Variants in TESK2 observed in about 807,000 individuals in gnomAD.
TESK2 encodes testis associated actin remodelling kinase 2.
Under a neutral mutation model 57.1 loss-of-function variants are expected in TESK2, and 39 were observed. The observed-to-expected ratio is 0.68, with a 90% confidence interval of 0.53 to 0.89. TESK2 has a LOEUF of 0.89. TESK2 is among the 40% of genes least tolerant of loss of function. The probability of loss-of-function intolerance (pLI) is 0.00; values close to 1 mark genes in which losing one functional copy is unlikely to be tolerated. For missense variants in TESK2, 646 were observed against 732.1 expected (o/e 0.88, Z 1.36); for synonymous variants, 249 against 267.9 (o/e 0.93, Z 0.69).
intron 3 of TESK2, among the ~76,000 whole-genome samples, chr1:45,390,861 G>C (rs1162062494): frequency 6.6e-6 from 1 of 150,990 alleles, no homozygotes; most frequent in Non-Finnish European, 1.5e-5. Flanking sequence ...TCCCACCTCA[G>C]CTTCCTAAAG....
At chr1:45,474,406 TG>T (rs1652899966) in intron 1 of TESK2, among the ~76,000 whole-genome samples, 1 of 152,046 alleles carries the variant, frequency 6.6e-6, no homozygotes, top group African/African-American at 2.4e-5. Context: ...ACAGGAGGAC[TG>T]CTTGAGGCCA....
intron 5 of TESK2, 116 bp downstream of exon 5, chr1:45,355,184 TAAC>T: frequency 1.6e-6 from 2 of 1,227,572 alleles, no homozygotes; most frequent in South Asian, 1.4e-5. Context: ...TTCTAAGGAC[TAAC>T]TATAAAATAT....
At chr1:45,485,523 A>AT (rs71052884) in intron 1 of TESK2, among the ~76,000 whole-genome samples, 60,541 of 136,228 alleles carry the variant, frequency 0.44, 13,354 homozygotes, top group East Asian at 0.59. Context: ...TTTTTATTTT[A>AT]TTTTTTTTTT....
At chr1:45,407,422 A>G (rs1649890243) in intron 3 of TESK2, among the ~76,000 whole-genome samples, 4 of 151,958 alleles carry the variant, frequency 2.6e-5, no homozygotes, top group Admixed American at 1.3e-4. Context: ...TTATGATTTC[A>G]CTTTATTTCT....
chr1:45,348,104 T>G, intron 5 of TESK2, 104 bp from the exon 6 acceptor site: 1 of 802,988 alleles, frequency 1.2e-6, no homozygotes, highest in East Asian at 2.5e-5. Context: ...CACCTTGTCC[T>G]CTGCTCCTTG....
In TESK2 at chr1:45,475,379, GTAT is replaced by G. The variant is rs1248954841; in HGVS notation, c.-87+15470_-87+15472del. On this transcript the variant is annotated intron_variant, in intron 1 of 10. Transcript: ENST00000372086. ...GTGCCACCACGCCTGGCTAATTTTTGTATTTTTAGTGGAGACGGGTTTTCATCA... is the reference window on the plus strand; with the variant it reads ...GTGCCACCACGCCTGGCTAATTTTTGTTTTAGTGGAGACGGGTTTTCATCA... Among the ~76,000 whole-genome samples, 8 of 152,024 alleles carry G rather than the reference GTAT, an allele frequency of 5.3e-5. No homozygotes were observed. In the East Asian group the frequency reaches 1.4e-3, roughly 26 times the overall value.
At chr1:45,391,459 C>G (rs1207497062) in intron 3 of TESK2, among the ~76,000 whole-genome samples, 2 of 152,078 alleles carry the variant, frequency 1.3e-5, no homozygotes, top group Non-Finnish European at 2.9e-5. Context: ...GTCAAGCAAT[C>G]CTCCTGCATT....
intron 4 of TESK2, among the ~76,000 whole-genome samples, chr1:45,363,574 C>T (rs1207285414): frequency 6.6e-6 from 1 of 152,196 alleles, no homozygotes; most frequent in African/African-American, 2.4e-5. Context: ...ATATCCTTCC[C>T]CTTTCCCCAC....
intron 9 of TESK2, 142 bp downstream of exon 9, chr1:45,346,551 G>T: frequency 1.5e-6 from 1 of 672,390 alleles, no homozygotes; most frequent in Non-Finnish European, 2.6e-6. Context: ...GCCAGAGGGA[G>T]GAGGAGGAGG....
chr1:45,392,721 A>T (rs1050068236), intron 3 of TESK2, among the ~76,000 whole-genome samples: 32 of 151,144 alleles, frequency 2.1e-4, no homozygotes, highest in Admixed American at 3.3e-4. Flanking sequence ...AAAAAAATTT[A>T]TTTTTTAGAG....
intron 1 of TESK2, among the ~76,000 whole-genome samples, chr1:45,467,968 A>T (rs1652622385): frequency 6.6e-6 from 1 of 152,010 alleles, no homozygotes; most frequent in Non-Finnish European, 1.5e-5. Context: ...TGAGCCCAGG[A>T]GTTCAAGATC....
At chr1:45,405,933 C>T (rs1649828706) in intron 3 of TESK2, among the ~76,000 whole-genome samples, 1 of 151,722 alleles carries the variant, frequency 6.6e-6, no homozygotes, top group Admixed American at 6.6e-5. Flanking sequence ...AGAAGATATT[C>T]AGAACCCAGC....
At chr1:45,348,111 C>T (rs138384654) in intron 5 of TESK2, 111 bp from the exon 6 acceptor site, 23 of 751,010 alleles carry the variant, frequency 3.1e-5, no homozygotes, top group African/African-American at 3.0e-4. Flanking sequence ...TCCTCTGCTC[C>T]TTGGTGAACC....
intron 2 of TESK2, among the ~76,000 whole-genome samples, chr1:45,449,895 C>T (rs569224265): frequency 3.3e-5 from 5 of 152,226 alleles, no homozygotes; most frequent in South Asian, 2.1e-4. Flanking sequence ...ACTCTCCCCC[C>T]AGTGGGTTGA....
At position 45,385,892 on chromosome 1, in the gene TESK2, A is replaced by G; in HGVS notation, c.393+20T>C. ...GAAACTAAGGCAAATACGTTACTTCAACACTTACTGATGTCTTACCTCTGT... is the reference window on the plus strand; with the variant it reads ...GAAACTAAGGCAAATACGTTACTTCGACACTTACTGATGTCTTACCTCTGT... On this transcript the variant is annotated intron_variant, in intron 4 of 10. Coordinates refer to ENST00000372086, the MANE Select transcript of TESK2 (RefSeq NM_007170.3). 1 of 1,585,282 alleles carries G rather than the reference A, an allele frequency of 6.3e-7. No individual in the cohort carries two copies. Among genetic ancestry groups the G allele is most frequent in the Non-Finnish European group, 8.6e-7 (1 of 1,159,296 alleles).
chr1:45,358,427 A>C (rs959885150), intron 4 of TESK2, among the ~76,000 whole-genome samples: 28 of 152,246 alleles, frequency 1.8e-4, no homozygotes, highest in African/African-American at 6.7e-4. Context: ...GTAGTGAGCC[A>C]TGATTGTGCC....
intron 4 of TESK2, among the ~76,000 whole-genome samples, chr1:45,356,941 C>A (rs1647448137): frequency 6.6e-6 from 1 of 152,054 alleles, no homozygotes; most frequent in Admixed American, 6.6e-5. Context: ...TGCCTGTAAT[C>A]CTAGCACTTT....
intron 2 of TESK2, among the ~76,000 whole-genome samples, chr1:45,448,013 A>C (rs1651706484): frequency 6.7e-6 from 1 of 148,278 alleles, no homozygotes; most frequent in Admixed American, 6.7e-5. Context: ...GGAAGACTCA[A>C]TGTGTGTGTG....
chr1:45,349,403 G>C (rs2149263344), intron 5 of TESK2, among the ~76,000 whole-genome samples: 1 of 152,266 alleles, frequency 6.6e-6, no homozygotes, highest in Middle Eastern at 3.4e-3. Flanking sequence ...GCAGCTCCCT[G>C]ACTTTGACTG....
Sources: allele counts gnomAD v4.1 joint callset (sites outside exome capture counted in the v4.1 genomes callset), GRCh38; gene constraint gnomAD v4.1.1; transcripts MANE v1.5; gene names NCBI Gene and HGNC (gene_info 2026-07-23, HGNC 2026-07-21).